The following ARHGAP15 variants were observed in gnomAD, a reference collection of about 807,000 sequenced individuals.
ARHGAP15 encodes Rho GTPase activating protein 15.
A neutral mutation model predicts 63.7 loss-of-function variants in ARHGAP15; 51 were observed. That is an observed-to-expected ratio of 0.80 (90% confidence interval 0.64 to 1.01). The LOEUF (loss-of-function observed/expected upper bound fraction) is 1.01. ARHGAP15 is among the 50% of genes least tolerant of loss of function. The pLI is 0.00. For synonymous variants in ARHGAP15, 191 were observed against 193.8 expected, an observed-to-expected ratio of 0.99 and a Z score of 0.12; for missense variants, 560 against 564.6, an observed-to-expected ratio of 0.99 and a Z score of 0.08.
chr2:143,549,303 A>G (rs1231187369), intron 10 of ARHGAP15, among the ~76,000 whole-genome samples: 1 of 152,172 alleles, frequency 6.6e-6, no homozygotes, highest in Non-Finnish European at 1.5e-5. Context: ...AATAGAAAAT[A>G]TGTGTTTTAA....
intron 13 of ARHGAP15, among the ~76,000 whole-genome samples, chr2:143,717,249 G>A (rs1176437321): frequency 6.6e-6 from 1 of 152,224 alleles, no homozygotes; most frequent in African/African-American, 2.4e-5. Context: ...CTTCAGGCAA[G>A]TTGTTTGGGG....
chr2:143,538,660 C>T (rs1694893296), intron 10 of ARHGAP15, among the ~76,000 whole-genome samples: 1 of 152,124 alleles, frequency 6.6e-6, no homozygotes, highest in African/African-American at 2.4e-5. Flanking sequence ...GTCTTTGATT[C>T]TCTGTTTATG....
chr2:143,364,849 T>A (rs946956194), intron 6 of ARHGAP15, among the ~76,000 whole-genome samples: 1 of 151,978 alleles, frequency 6.6e-6, no homozygotes, highest in Non-Finnish European at 1.5e-5. Context: ...CTCTTAAAAA[T>A]ACAACAATTA....
chr2:143,767,666 G>A (rs2072968673), intron 13 of ARHGAP15, among the ~76,000 whole-genome samples: 1 of 151,874 alleles, frequency 6.6e-6, no homozygotes, highest in Non-Finnish European at 1.5e-5. Flanking sequence ...TTCCTCAATT[G>A]TCTCTAAGCA....
intron 6 of ARHGAP15, among the ~76,000 whole-genome samples, chr2:143,257,272 C>T (rs970603706): frequency 1.3e-5 from 2 of 151,954 alleles, no homozygotes; most frequent in African/African-American, 2.4e-5. Context: ...AGCATGCAAC[C>T]GGATGACAGT....
intron 11 of ARHGAP15, among the ~76,000 whole-genome samples, chr2:143,598,437 A>G (rs139883246): frequency 5.5e-4 from 84 of 152,328 alleles, no homozygotes; most frequent in African/African-American, 2.0e-3. Flanking sequence ...TTCCGAGGCC[A>G]TCATGCTATG....
intron 4 of ARHGAP15, among the ~76,000 whole-genome samples, chr2:143,220,618 A>G (rs1206169342): frequency 6.6e-6 from 1 of 152,188 alleles, no homozygotes; most frequent in Non-Finnish European, 1.5e-5. Flanking sequence ...TTACCCAAGG[A>G]GTGTATATGC....
In ARHGAP15 at chr2:143,155,552, C is replaced by T; in HGVS notation, c.62C>T (p.Thr21Ile). Residue 21 changes from threonine (T) to isoleucine (I), a missense_variant, in exon 2 of 14, where the codon ACA (threonine) becomes ATA (isoleucine). By Grantham distance (89) the Thr-to-Ile change is moderately conservative. Coordinates refer to ENST00000295095, the MANE Select transcript of ARHGAP15 (RefSeq NM_018460.4). ...ACACTGAATTCTACCCGCCAAGGCA[C>T]AGGAGCTGTGCAAATGAGAATCAAA... ...VETLNSTRQG[T>I]GAVQMRIKNA... 6.2e-7 allele frequency: 1 copy of T among 1,609,698 alleles called. No homozygotes were observed. Among genetic ancestry groups the T allele is most frequent in the Non-Finnish European group, 8.5e-7 (1 of 1,178,106 alleles).
At chr2:143,176,621 G>A (rs539205330) in intron 2 of ARHGAP15, among the ~76,000 whole-genome samples, 3 of 152,104 alleles carry the variant, frequency 2.0e-5, no homozygotes, top group South Asian at 2.1e-4. Flanking sequence ...GGTTGTAAAC[G>A]TAGAAACCCC....
intron 12 of ARHGAP15, among the ~76,000 whole-genome samples, chr2:143,628,200 C>T (rs1698912363): frequency 6.6e-6 from 1 of 152,024 alleles, no homozygotes. Flanking sequence ...TGTGTATGTA[C>T]CACATTTTCT....
intron 13 of ARHGAP15, among the ~76,000 whole-genome samples, chr2:143,765,801 GGCA>G (rs1400004888): frequency 1.3e-5 from 2 of 151,984 alleles, no homozygotes; most frequent in African/African-American, 4.8e-5. Context: ...AGACTGCCTG[GGCA>G]GTCTGGGTCA....
At chr2:143,273,216 T>C (rs1019608586) in intron 6 of ARHGAP15, among the ~76,000 whole-genome samples, 1 of 152,142 alleles carries the variant, frequency 6.6e-6, no homozygotes, top group Non-Finnish European at 1.5e-5. Flanking sequence ...CATTTTCAAA[T>C]TGTTGACATC....
At chr2:143,438,330 G>A (rs1689707830) in intron 8 of ARHGAP15, among the ~76,000 whole-genome samples, 1 of 151,946 alleles carries the variant, frequency 6.6e-6, no homozygotes, top group African/African-American at 2.4e-5. Flanking sequence ...ATATATGTGT[G>A]CATTAAGAAA....
intron 13 of ARHGAP15, among the ~76,000 whole-genome samples, chr2:143,712,530 AAG>A (rs1429067537): frequency 5.9e-5 from 9 of 152,216 alleles, no homozygotes; most frequent in Non-Finnish European, 1.3e-4. Context: ...GTGAACCCAG[AAG>A]AGAGTCAAGG....
chr2:143,216,300 A>G, intron 3 of ARHGAP15, 84 bp from the exon 4 acceptor site: 1 of 1,052,080 alleles, frequency 9.5e-7, no homozygotes. Context: ...CGTCACTGCA[A>G]TGACTCTTGA....
chr2:143,753,674 G>A (rs867721050), intron 13 of ARHGAP15, among the ~76,000 whole-genome samples: 1 of 152,084 alleles, frequency 6.6e-6, no homozygotes, highest in Admixed American at 6.6e-5. Context: ...CAGATGCATC[G>A]AGCATTTTAC....
At chr2:143,317,040 C>T (rs1057057920) in intron 6 of ARHGAP15, among the ~76,000 whole-genome samples, 2 of 152,124 alleles carry the variant, frequency 1.3e-5, no homozygotes, top group African/African-American at 4.8e-5. Context: ...TCCTGTCTAT[C>T]CCTCTCTCTC....
At chr2:143,619,785 T>C (rs1020765697) in intron 11 of ARHGAP15, among the ~76,000 whole-genome samples, 2 of 152,182 alleles carry the variant, frequency 1.3e-5, no homozygotes, top group African/African-American at 4.8e-5. Flanking sequence ...TTCACTCCTC[T>C]CTGCTGCTGG....
intron 13 of ARHGAP15, among the ~76,000 whole-genome samples, chr2:143,763,732 GTATATGTATGTA>G (rs1179396227): frequency 2.0e-5 from 3 of 147,256 alleles, no homozygotes; most frequent in African/African-American, 7.5e-5. Flanking sequence ...GTATGTATAT[GTATATGTATGTA>G]TATGTATATG....
Sources: allele counts gnomAD v4.1 joint callset (sites outside exome capture counted in the v4.1 genomes callset), GRCh38; gene constraint gnomAD v4.1.1; transcripts MANE v1.5; gene names NCBI Gene and HGNC (gene_info 2026-07-23, HGNC 2026-07-21).